The following USP53 variants were observed in gnomAD, a reference collection of about 807,000 sequenced individuals.
The protein encoded by USP53 is ubiquitin specific peptidase 53.
A neutral mutation model predicts 94.9 loss-of-function variants in USP53; 71 were observed. The ratio of observed to expected loss-of-function variants is 0.75; its 90% CI spans 0.62 to 0.91. The LOEUF is 0.91. Ranked by LOEUF, USP53 falls within the 40% of genes least tolerant of loss-of-function variation. The probability of loss-of-function intolerance (pLI) is 0.00; values close to 1 mark genes in which losing one functional copy is unlikely to be tolerated. For missense variants in USP53, 1,173 were observed against 1,281.0 expected, an observed-to-expected ratio of 0.92 and a Z score of 1.29; for synonymous variants, 375 against 422.7, an observed-to-expected ratio of 0.89 and a Z score of 1.39.
chr4:119,260,120 A>G (rs1750305171), intron 10 of USP53, among the ~76,000 whole-genome samples, 195 bp downstream of exon 10: 1 of 152,182 alleles, frequency 6.6e-6, no homozygotes, highest in African/African-American at 2.4e-5. Flanking sequence ...AAGTTTGTGA[A>G]GCATATATTG....
Position 119,261,723 on chromosome 4 carries a change from T to C in USP53, c.831T>C (p.Tyr277=), listed in dbSNP as rs181929435. 255 of 1,570,870 alleles carry C rather than the reference T, an allele frequency of 1.6e-4. 1 individual carries two copies. The highest frequency in any genetic ancestry group is 1.2e-5 in the South Asian group (1 of 85,536). ...ATHLYLPGLF[Y]RVTDENAKNS... is the part of the protein sequence containing the mutation. ...CCAATTTTTTTAAACAGCTTTTTTA[T>C]AGAGTTACTGATGAAAATGCCAAAA... Residue 277 remains tyrosine, a synonymous_variant, in exon 12 of 19, where the codon TAT becomes TAC. Coordinates refer to ENST00000692078, the MANE Select transcript of USP53 (RefSeq NM_001371395.1).
Position 119,293,144 on chromosome 4 carries a change from A to C in USP53, c.3155A>C (p.Lys1052Thr). The C allele has an allele frequency of 6.2e-7, 1 of 1,613,282 alleles. No individual in the cohort carries two copies. The highest frequency in any genetic ancestry group is 1.3e-5 in the African/African-American group (1 of 75,034). Residue 1052 changes from lysine (K) to threonine (T), a missense_variant, in exon 19 of 19, where the codon AAA becomes ACA. Physicochemically the swap from Lys to Thr is moderately conservative, Grantham distance 78 (BLOSUM62 -1). Transcript: ENST00000692078. ...TGCATGACGGATACATATAGATTGAAATACCATCAGAGGCCCAAGCTCTCT... is the reference window on the plus strand; with the variant it reads ...TGCATGACGGATACATATAGATTGACATACCATCAGAGGCCCAAGCTCTCT... ...DSCMTDTYRL[K>T]YHQRPKLSFP... is the part of the protein sequence containing the mutation.
chr4:119,229,090 T>C (rs947615040), intron 3 of USP53, among the ~76,000 whole-genome samples: 5 of 152,144 alleles, frequency 3.3e-5, no homozygotes, highest in African/African-American at 1.2e-4. Context: ...ATCTGAATGG[T>C]CTTAGCAACA....
In USP53 at chr4:119,235,867, C is replaced by A. The variant is rs569883926; in HGVS notation, c.-543+456C>A. 2.0e-5 allele frequency among the ~76,000 whole-genome samples: 3 copies of A among 152,272 alleles called. No individual in the cohort carries two copies. In the South Asian group the frequency reaches 6.2e-4, roughly 32 times the overall value. ...TCATTATCCTATCTAAAAGCACAAA[C>A]CATCCCACATTATATATACTTCCTA... On this transcript the variant is annotated intron_variant, in intron 4 of 18. Coordinates refer to ENST00000692078, the MANE Select transcript of USP53 (RefSeq NM_001371395.1).
intron 7 of USP53, among the ~76,000 whole-genome samples, chr4:119,253,784 C>T (rs1053184564): frequency 4.6e-5 from 7 of 151,746 alleles, no homozygotes; most frequent in African/African-American, 7.3e-5. Context: ...GTTAATTTGC[C>T]TGTTAGTTGA....
At chr4:119,231,338 G>A (rs1039089807) in intron 3 of USP53, among the ~76,000 whole-genome samples, 8 of 152,010 alleles carry the variant, frequency 5.3e-5, no homozygotes, top group African/African-American at 1.9e-4. Context: ...TTTATTTCTG[G>A]AGTATAGATT....
chr4:119,214,324 T>TAC (rs1279807346), intron 2 of USP53, 102 bp downstream of exon 2: 3 of 152,138 alleles, frequency 2.0e-5, no homozygotes, highest in African/African-American at 7.2e-5. Flanking sequence ...GGTTCGTGTT[T>TAC]ACTGGTGATA....
Position 119,239,702 on chromosome 4 carries a change from A to T in USP53, c.-58A>T. 6.5e-7 allele frequency: 1 copy of T among 1,535,528 alleles called. No homozygotes were observed. Among genetic ancestry groups the T allele is most frequent in the Non-Finnish European group, 8.8e-7 (1 of 1,142,040 alleles). ...ATTCAAGACATCCATTTTATTGTCCAAAATATTACATAAAAGTGTACAGTT... is the reference window on the plus strand; with the variant it reads ...ATTCAAGACATCCATTTTATTGTCCTAAATATTACATAAAAGTGTACAGTT... On this transcript the variant is annotated 5_prime_UTR_variant, in exon 5 of 19. Transcript: ENST00000692078.
At chr4:119,220,655 T>G (rs986781671) in intron 3 of USP53, 2 of 152,254 alleles carry the variant, frequency 1.3e-5, no homozygotes, top group Non-Finnish European at 2.9e-5. Flanking sequence ...TAAGAATTTC[T>G]TAAGCATTGT....
At chr4:119,276,456 A>G (rs1240363926) in intron 17 of USP53, among the ~76,000 whole-genome samples, 1 of 151,582 alleles carries the variant, frequency 6.6e-6, no homozygotes, top group Non-Finnish European at 1.5e-5. Context: ...AGCCCACTTG[A>G]TCATGGTGGA....
chr4:119,292,125 A>C lies in USP53; in HGVS notation c.2349-213A>C, dbSNP rs552030929. Among the ~76,000 whole-genome samples the C allele has an allele frequency of 1.2e-4, 19 of 152,266 alleles. No homozygotes were observed. In the South Asian group the frequency reaches 3.9e-3, roughly 32 times the overall value. ...TCTGGTAATGATGGGTGTTTCTGGT[A>C]AACACTCACATATTCTGACATAAAG... On this transcript the variant is annotated intron_variant, in intron 18 of 18. Coordinates refer to ENST00000692078, the MANE Select transcript of USP53 (RefSeq NM_001371395.1).
chr4:119,234,392 T>C (rs534861465), intron 3 of USP53, among the ~76,000 whole-genome samples: 3 of 152,112 alleles, frequency 2.0e-5, no homozygotes, highest in Non-Finnish European at 4.4e-5. Context: ...AGGGTTGAGA[T>C]GGAGGGAGGG....
Position 119,280,101 on chromosome 4 carries a change from C to G in USP53, c.2251+6393C>G, listed in dbSNP as rs371315169. 2.6e-5 allele frequency among the ~76,000 whole-genome samples: 4 copies of G among 152,332 alleles called. No individual in the cohort carries two copies. The East Asian group carries it at 5.8e-4, about 22-fold the overall frequency. ...TGGGAGCTGTAGACTGGAGCTGTTC[C>G]TATTCGGCCATCTTGGCTCCTCCCC... On this transcript the variant is annotated intron_variant, in intron 17 of 18. Coordinates refer to ENST00000692078, the MANE Select transcript of USP53 (RefSeq NM_001371395.1).
chr4:119,285,287 C>G (rs758024767), intron 17 of USP53, among the ~76,000 whole-genome samples: 8 of 151,728 alleles, frequency 5.3e-5, no homozygotes, highest in Non-Finnish European at 1.0e-4. Flanking sequence ...ACCTAATGGA[C>G]TTTCTTTTTT....
At position 119,245,408 on chromosome 4, in the gene USP53, C is replaced by T; in HGVS notation, c.216C>T (p.Ala72=). The T allele has an allele frequency of 6.2e-7, 1 of 1,613,748 alleles. No homozygotes were observed. The highest frequency in any genetic ancestry group is 8.5e-7 in the Non-Finnish European group (1 of 1,179,832). The change falls in exon 6 of 19, where the codon GCC becomes GCT. Residue 72 remains alanine, a synonymous_variant. Coordinates refer to ENST00000692078, the MANE Select transcript of USP53 (RefSeq NM_001371395.1). Reference sequence around the variant, plus strand: ...CTGGACATGTTTGTCAGGGAGATGCCTGTATATTTTGTGCATTGAAGGTAA... The same window carrying T: ...CTGGACATGTTTGTCAGGGAGATGCTTGTATATTTTGTGCATTGAAGGTAA... The part of the protein sequence containing the change: ...VLTGHVCQGD[A]CIFCALKTIF...
chr4:119,240,857 C>G (rs753544788), intron 5 of USP53, among the ~76,000 whole-genome samples: 1 of 152,230 alleles, frequency 6.6e-6, no homozygotes, highest in Non-Finnish European at 1.5e-5. Context: ...AGCATTTATT[C>G]TAATTTACTT....
intron 12 of USP53, 86 bp from the exon 13 acceptor site, chr4:119,267,234 A>G (rs2149404638): frequency 7.5e-7 from 1 of 1,338,860 alleles, no homozygotes; most frequent in East Asian, 2.5e-5. Flanking sequence ...TTTTAAAAAT[A>G]TAAAGTAACT....
intron 7 of USP53, among the ~76,000 whole-genome samples, chr4:119,252,046 T>C (rs1156738466): frequency 6.6e-6 from 1 of 152,154 alleles, no homozygotes; most frequent in Non-Finnish European, 1.5e-5. Flanking sequence ...TATTGATTTG[T>C]GTATGTTGAA....
intron 17 of USP53, among the ~76,000 whole-genome samples, chr4:119,275,375 T>C (rs1752479437): frequency 8.0e-6 from 1 of 124,958 alleles, no homozygotes; most frequent in African/African-American, 2.8e-5. Flanking sequence ...CATTGCTTGT[T>C]TTTCTCAGGT....
Sources: gnomAD v4.1 joint callset for allele counts (sites outside exome capture counted in the v4.1 genomes callset) on GRCh38, gnomAD v4.1.1 for gene constraint, MANE v1.5 for transcripts, NCBI Gene and HGNC (gene_info 2026-07-23, HGNC 2026-07-21) for gene names.